The following DNAH7 variants were observed in gnomAD, a reference collection of about 807,000 sequenced individuals.
DNAH7 encodes axonemal beta dynein heavy chain 7.
Under a neutral mutation model 444.6 loss-of-function variants are expected in DNAH7, and 397 were observed. That is an observed-to-expected ratio of 0.89 (90% CI 0.82 to 0.97). The LOEUF (loss-of-function observed/expected upper bound fraction) is 0.97. DNAH7 is among the 50% of genes least tolerant of loss of function. DNAH7 has a pLI of 0.00. For synonymous variants in DNAH7, 1,636 were observed against 1,624.4 expected, an observed-to-expected ratio of 1.01 and a Z score of -0.17; for missense variants, 4,902 against 4,800.8, an observed-to-expected ratio of 1.02 and a Z score of -0.62.
chr2:195,949,361 G>A (rs1010938742), intron 19 of DNAH7, among the ~76,000 whole-genome samples: 63 of 152,158 alleles, frequency 4.1e-4, no homozygotes, highest in African/African-American at 1.4e-3. Flanking sequence ...TCAGTTCACT[G>A]CAACCTCTGC....
chr2:195,918,063 G>A (rs1170216333), intron 24 of DNAH7, among the ~76,000 whole-genome samples: 1 of 152,072 alleles, frequency 6.6e-6, no homozygotes, highest in Non-Finnish European at 1.5e-5. Context: ...TATTCAAAAT[G>A]TACAAAGAAC....
At chr2:195,815,765 G>C (rs1357940079) in intron 51 of DNAH7, among the ~76,000 whole-genome samples, 5 of 152,170 alleles carry the variant, frequency 3.3e-5, no homozygotes, top group Admixed American at 3.3e-4. Context: ...CATTTTGGGA[G>C]GCCGAGGCAG....
Position 195,888,325 on chromosome 2 carries a change from T to C in DNAH7, c.5339A>G (p.Glu1780Gly). ...TCTGTCAAATAAGCCCATTATGAATTCCTTTTGAATAACACTGACTGACGC... is the reference window on the plus strand; with the variant it reads ...TCTGTCAAATAAGCCCATTATGAATCCCTTTTGAATAACACTGACTGACGC... ...LPASVSVIQK[E>G]FIMGLFDRMV... Residue 1780 changes from glutamate (E) to glycine (G), a missense_variant, in exon 33 of 65, where the codon GAA becomes GGA. Glu to Gly is a moderately conservative substitution (Grantham distance 98). Coordinates refer to ENST00000312428, the MANE Select transcript of DNAH7 (RefSeq NM_018897.3). 6.2e-7 allele frequency: 1 copy of C among 1,611,416 alleles called. No individual in the cohort carries two copies. Among genetic ancestry groups the C allele is most frequent in the Non-Finnish European group, 8.5e-7 (1 of 1,179,074 alleles).
chr2:195,842,948 T>C (rs1481561074), intron 47 of DNAH7, among the ~76,000 whole-genome samples: 1 of 152,168 alleles, frequency 6.6e-6, no homozygotes, highest in African/African-American at 2.4e-5. Context: ...ATCAAGACAA[T>C]GACTACCACT....
chr2:195,815,948 C>T (rs1476031432), intron 51 of DNAH7, among the ~76,000 whole-genome samples: 2 of 152,140 alleles, frequency 1.3e-5, no homozygotes, highest in Non-Finnish European at 2.9e-5. Context: ...GCCGAGATTG[C>T]GCCACTGCAC....
intron 36 of DNAH7, among the ~76,000 whole-genome samples, chr2:195,881,174 AC>A (rs567790859): frequency 2.0e-4 from 30 of 152,320 alleles, no homozygotes; most frequent in African/African-American, 7.0e-4. Flanking sequence ...ATGTAACTAT[AC>A]TGCCAAATAC....
intron 5 of DNAH7, among the ~76,000 whole-genome samples, chr2:196,030,834 G>A (rs577402748): frequency 6.6e-6 from 1 of 152,352 alleles, no homozygotes; most frequent in East Asian, 1.9e-4. Flanking sequence ...GCTTTTCAGG[G>A]TACAGCCTCA....
intron 2 of DNAH7, among the ~76,000 whole-genome samples, chr2:196,056,249 A>G (rs1213593846): frequency 4.6e-5 from 7 of 152,096 alleles, no homozygotes; most frequent in Non-Finnish European, 1.0e-4. Context: ...GTTCGAGACC[A>G]GCCTGGCCAA....
intron 5 of DNAH7, among the ~76,000 whole-genome samples, chr2:196,035,741 T>C (rs1575072658): frequency 1.3e-5 from 2 of 152,266 alleles, no homozygotes; most frequent in Middle Eastern, 6.8e-3. Flanking sequence ...GGAGGAATGC[T>C]CCATTGCAGG....
intron 9 of DNAH7, among the ~76,000 whole-genome samples, chr2:196,017,703 G>A: frequency 7.3e-6 from 1 of 136,544 alleles, no homozygotes; most frequent in South Asian, 2.1e-4. Context: ...CATTAAGGGG[G>A]AAAAGGTAAG....
At chr2:196,033,731 A>C (rs1696208047) in intron 5 of DNAH7, among the ~76,000 whole-genome samples, 1 of 152,188 alleles carries the variant, frequency 6.6e-6, no homozygotes, top group Non-Finnish European at 1.5e-5. Context: ...CAGCTATTAT[A>C]AACAGTGCTG....
In DNAH7 at chr2:196,056,430, A is replaced by G. The variant is rs536171699; in HGVS notation, c.78+1624T>C. Reference sequence around the variant, plus strand: ...ACTGCACTCTGTCTGAAAAAAAAAAAAAAAAGAAAAAAGAAATGTTTTTTC... The same window carrying G: ...ACTGCACTCTGTCTGAAAAAAAAAAGAAAAAGAAAAAAGAAATGTTTTTTC... On this transcript the variant is annotated intron_variant, in intron 2 of 64. Transcript: ENST00000312428. Among the ~76,000 whole-genome samples the G allele has an allele frequency of 5.9e-5, 9 of 151,838 alleles. No homozygotes were observed. In the South Asian group the frequency reaches 1.7e-3, roughly 28 times the overall value.
intron 27 of DNAH7, chr2:195,901,820 A>G (rs976473839): frequency 3.3e-5 from 5 of 152,204 alleles, no homozygotes; most frequent in African/African-American, 1.2e-4. Flanking sequence ...ATTAGAGATA[A>G]ATCAATTTTA....
chr2:195,967,573 A>G (rs1016960626), intron 17 of DNAH7, among the ~76,000 whole-genome samples: 1 of 151,982 alleles, frequency 6.6e-6, no homozygotes. Flanking sequence ...TTTGTCTGGG[A>G]AAGTCTGTCT....
At position 195,888,347 on chromosome 2, in the gene DNAH7, A is replaced by G; in HGVS notation, c.5317T>C (p.Ser1773Pro). The G allele has an allele frequency of 2.5e-6, 4 of 1,610,652 alleles. No homozygotes were observed. The highest frequency in any genetic ancestry group is 3.4e-6 in the Non-Finnish European group (4 of 1,178,938). Residue 1773 changes from serine (S) to proline (P), a missense_variant, in exon 33 of 65, where the codon TCA (serine) becomes CCA (proline). Ser to Pro is a moderately conservative substitution (Grantham distance 74). Transcript: ENST00000312428. ...MLSWVNLLPA[S>P]VSVIQKEFIM... ...AATTCCTTTTGAATAACACTGACTG[A>G]CGCAGGTAACAGATTCACCCAGGAC...
At chr2:195,796,519 A>G (rs1481738572) in intron 56 of DNAH7, 57 bp downstream of exon 56, 2 of 1,584,002 alleles carry the variant, frequency 1.3e-6, no homozygotes, top group Non-Finnish European at 1.7e-6. Context: ...AATGTTATGT[A>G]TATTACTAAT....
At position 195,844,906 on chromosome 2, in the gene DNAH7, T is replaced by C. The variant is rs184360116; in HGVS notation, c.8945+96A>G. On this transcript the variant is annotated intron_variant, in intron 47 of 64. Coordinates refer to ENST00000312428, the MANE Select transcript of DNAH7 (RefSeq NM_018897.3). ...ACTAATTAGTTAAGTAATTTTTTAA[T>C]ACTGTAAAAGTTTGCTACCTAAAAT... The C allele has an allele frequency of 2.9e-6, 3 of 1,046,588 alleles. No individual in the cohort carries two copies. The East Asian group carries it at 7.9e-5, about 27-fold the overall frequency. 64.8% of individuals were successfully genotyped at this position (1,046,588 alleles called of 1,614,324 possible).
chr2:196,012,513 T>C (rs969202424), intron 10 of DNAH7, among the ~76,000 whole-genome samples: 1 of 152,148 alleles, frequency 6.6e-6, no homozygotes, highest in African/African-American at 2.4e-5. Context: ...CATTCTCTCA[T>C]GGTATTCAGC....
intron 36 of DNAH7, 106 bp from the exon 37 acceptor site, chr2:195,876,805 T>C (rs1701090042): frequency 5.5e-6 from 4 of 733,162 alleles, no homozygotes; most frequent in Non-Finnish European, 8.8e-6. Flanking sequence ...ACCTTAAGTG[T>C]TGTAACATTG....
Sources: allele counts gnomAD v4.1 joint callset (sites outside exome capture counted in the v4.1 genomes callset), GRCh38; gene constraint gnomAD v4.1.1; transcripts MANE v1.5; gene names NCBI Gene and HGNC (gene_info 2026-07-23, HGNC 2026-07-21).